Variants in PLD5 observed in about 807,000 individuals in gnomAD.
PLD5 encodes the protein inactive phospholipase D5.
Under a neutral mutation model 61.1 loss-of-function variants are expected in PLD5, and 36 were observed. The observed-to-expected ratio is 0.59, with a 90% confidence interval of 0.45 to 0.78. The LOEUF (loss-of-function observed/expected upper bound fraction) is 0.78, where lower values mean the gene tolerates loss of function less well. Ranked by LOEUF, PLD5 falls within the 30% of genes least tolerant of loss-of-function variation. The pLI is 0.00. For missense variants in PLD5, 515 were observed against 644.4 expected (o/e 0.80, Z 2.17); for synonymous variants, 243 against 242.8 (o/e 1.00, Z -0.01).
At chr1:242,092,959 C>CT (rs1659952888) in intron 9 of PLD5, among the ~76,000 whole-genome samples, 1 of 152,144 alleles carries the variant, frequency 6.6e-6, no homozygotes, top group Admixed American at 6.5e-5. Flanking sequence ...AGAGAGGGAC[C>CT]TGCCCCCTTT....
Position 242,306,443 on chromosome 1 carries a change from G to A in PLD5, c.327-17913C>T, listed in dbSNP as rs1255512644. 5.3e-5 allele frequency among the ~76,000 whole-genome samples: 8 copies of A among 152,090 alleles called. No individual in the cohort carries two copies. The South Asian group carries it at 1.0e-3, about 20-fold the overall frequency. The stretch of plus-strand genomic sequence containing the variant: ...TCAAGGAATTCCCTGTGGATTACAC[G>A]GATATCCCTTGACTGAAAACGGCTC... On this transcript the variant is annotated intron_variant, in intron 2 of 9. Transcript: ENST00000536534.
chr1:242,178,639 G>A (rs192712733), intron 5 of PLD5, among the ~76,000 whole-genome samples: 157 of 152,258 alleles, frequency 1.0e-3, no homozygotes, highest in African/African-American at 2.4e-3. Flanking sequence ...CTACAAATGC[G>A]TTAATTAACA....
chr1:242,128,680 C>G (rs1275691441), intron 5 of PLD5, among the ~76,000 whole-genome samples: 6 of 152,062 alleles, frequency 3.9e-5, no homozygotes, highest in African/African-American at 1.4e-4. Flanking sequence ...AGAAGGGTAC[C>G]AGGATGCCAA....
chr1:242,264,361 G>A (rs532998497), intron 4 of PLD5, among the ~76,000 whole-genome samples: 2 of 152,238 alleles, frequency 1.3e-5, no homozygotes, highest in African/African-American at 4.8e-5. Flanking sequence ...CATGGTGGTA[G>A]GTACATGTGC....
At chr1:242,160,107 G>A (rs1665707522) in intron 5 of PLD5, among the ~76,000 whole-genome samples, 1 of 151,950 alleles carries the variant, frequency 6.6e-6, no homozygotes, top group South Asian at 2.1e-4. Context: ...AACCTCTTGG[G>A]CTCAAGCAAT....
At chr1:242,396,677 T>TC (rs200256414) in intron 1 of PLD5, among the ~76,000 whole-genome samples, 14 of 142,690 alleles carry the variant, frequency 9.8e-5, no homozygotes, top group African/African-American at 2.9e-4. Flanking sequence ...TCTTTTCTTT[T>TC]TTTTTTTTTT....
intron 1 of PLD5, among the ~76,000 whole-genome samples, chr1:242,451,576 C>G (rs1429748182): frequency 1.3e-5 from 2 of 150,040 alleles, no homozygotes; most frequent in African/African-American, 2.5e-5. Flanking sequence ...TCTCCTGTCT[C>G]AGCCTCCCAA....
intron 1 of PLD5, among the ~76,000 whole-genome samples, chr1:242,366,605 T>C (rs1463593960): frequency 6.6e-6 from 1 of 152,194 alleles, no homozygotes; most frequent in Non-Finnish European, 1.5e-5. Flanking sequence ...CATTTACTAT[T>C]AATAAATTAC....
intron 5 of PLD5, chr1:242,178,439 GC>G (rs1469213453): frequency 6.6e-6 from 1 of 152,138 alleles, no homozygotes; most frequent in African/African-American, 2.4e-5. Context: ...GAGAAATGAA[GC>G]TTTTATCATG....
chr1:242,173,424 T>C (rs113351622), intron 5 of PLD5, among the ~76,000 whole-genome samples: 5,520 of 152,256 alleles, frequency 0.036, 130 homozygotes, highest in Middle Eastern at 0.13. Context: ...TGGAAGAACA[T>C]TCCATGCTCA....
chr1:242,494,307 G>A (rs566165671), intron 1 of PLD5, among the ~76,000 whole-genome samples: 1 of 152,144 alleles, frequency 6.6e-6, no homozygotes, highest in African/African-American at 2.4e-5. Context: ...TTAGGCATGT[G>A]GCAGCCCCCA....
At chr1:242,528,579 CATAGTAA>C (rs1207893555), upstream of PLD5, among the ~76,000 whole-genome samples, 1 of 152,176 alleles carries the variant, frequency 6.6e-6, no homozygotes, top group South Asian at 2.1e-4. Context: ...TTAAAACTTT[CATAGTAA>C]TGATAATACC....
Position 242,418,254 on chromosome 1 carries a change from A to T in PLD5, c.190-70012T>A, listed in dbSNP as rs188004108. 1.9e-3 allele frequency among the ~76,000 whole-genome samples: 286 copies of T among 152,306 alleles called. 1 individual carries two copies. Among genetic ancestry groups the T allele is most frequent in the African/African-American group, 6.8e-3 (281 of 41,568 alleles). On this transcript the variant is annotated intron_variant, in intron 1 of 9. Transcript: ENST00000536534. ...AACTGGAAGGATAGACTTCCCATTAATGAGAAGAGAATTATTGCAGGAGAA... is the reference window on the plus strand; with the variant it reads ...AACTGGAAGGATAGACTTCCCATTATTGAGAAGAGAATTATTGCAGGAGAA...
chr1:242,375,456 T>C (rs1661892124), intron 1 of PLD5, among the ~76,000 whole-genome samples: 1 of 152,190 alleles, frequency 6.6e-6, no homozygotes, highest in South Asian at 2.1e-4. Context: ...AAGGGCCAAA[T>C]GTCCCACGTT....
At chr1:242,427,551 G>C (rs1402530886) in intron 1 of PLD5, among the ~76,000 whole-genome samples, 1 of 152,188 alleles carries the variant, frequency 6.6e-6, no homozygotes, top group Non-Finnish European at 1.5e-5. Context: ...AAGCTTTCTA[G>C]TTCATCTTAA....
At chr1:242,179,673 C>T (rs745983511) in intron 5 of PLD5, among the ~76,000 whole-genome samples, 66 of 152,202 alleles carry the variant, frequency 4.3e-4, no homozygotes, top group African/African-American at 1.5e-3. Context: ...GAGGCCGAGG[C>T]GGGCAGATCA....
chr1:242,401,286 C>G (rs1457123935), intron 1 of PLD5, among the ~76,000 whole-genome samples: 1 of 152,162 alleles, frequency 6.6e-6, no homozygotes, highest in Non-Finnish European at 1.5e-5. Flanking sequence ...CTGGCAGGCT[C>G]AGCCAAGCCC....
intron 5 of PLD5, among the ~76,000 whole-genome samples, chr1:242,188,333 T>A (rs1251092094): frequency 1.3e-5 from 2 of 152,190 alleles, no homozygotes; most frequent in African/African-American, 4.8e-5. Flanking sequence ...AGCCATGTTA[T>A]TTTTAAGACA....
chr1:242,247,193 A>C (rs944146632), intron 4 of PLD5, among the ~76,000 whole-genome samples: 1 of 152,120 alleles, frequency 6.6e-6, no homozygotes, highest in African/African-American at 2.4e-5. Flanking sequence ...TGTGTTAGCC[A>C]GGATGGTCTC....
Sources: allele counts gnomAD v4.1 joint callset (sites outside exome capture counted in the v4.1 genomes callset), GRCh38; gene constraint gnomAD v4.1.1; transcripts MANE v1.5; gene names NCBI Gene and HGNC (gene_info 2026-07-23, HGNC 2026-07-21).